DNAJC7: variants seen among roughly 807,000 people sequenced by gnomAD.
DNAJC7 encodes the protein dnaJ homolog subfamily C member 7.
DNAJC7 carries 18 observed loss-of-function variants against 67.4 expected under a neutral mutation model. The observed-to-expected ratio is 0.27, with a 90% CI of 0.18 to 0.40. DNAJC7 has a LOEUF of 0.40. DNAJC7 is among the 10% of genes least tolerant of loss of function. The pLI is 1.00. For missense variants in DNAJC7, 419 were observed against 613.8 expected, an observed-to-expected ratio of 0.68 and a Z score of 3.35; for synonymous variants, 220 against 207.8, an observed-to-expected ratio of 1.06 and a Z score of -0.50.
At chr17:42,008,025 A>G (rs1555650580) in intron 1 of DNAJC7, among the ~76,000 whole-genome samples, 1 of 151,622 alleles carries the variant, frequency 6.6e-6, no homozygotes, top group African/African-American at 2.4e-5. Flanking sequence ...TTTAAAAAAA[A>G]ATCTAGGCTG....
chr17:42,003,907 G>A (rs1555649785), intron 1 of DNAJC7, among the ~76,000 whole-genome samples: 1 of 144,578 alleles, frequency 6.9e-6, no homozygotes, highest in East Asian at 2.1e-4. Context: ...TATATTTCTA[G>A]TGTTATTTCA....
chr17:42,000,585 G>C lies in DNAJC7; in HGVS notation c.78-15C>G, dbSNP rs1013190493. On this transcript the variant is annotated splice_polypyrimidine_tract_variant and intron_variant, in intron 1 of 13. Coordinates refer to ENST00000457167, the MANE Select transcript of DNAJC7 (RefSeq NM_003315.4). ...TCTCTGCTTCCCTGAAAATGAAAGA[G>C]AAAGAGAATCATGTTACTTTACAAA... The C allele has an allele frequency of 6.3e-7, 1 of 1,584,776 alleles. No homozygotes were observed. Among genetic ancestry groups the C allele is most frequent in the East Asian group, 2.2e-5 (1 of 44,654 alleles).
At chr17:42,005,026 AAAAC>A (rs1276103261) in intron 1 of DNAJC7, among the ~76,000 whole-genome samples, 64 of 152,334 alleles carry the variant, frequency 4.2e-4, no homozygotes, top group African/African-American at 1.5e-3. Context: ...CTGTCTCAAA[AAAAC>A]AAAACCACCC....
chr17:41,988,050 A>C (rs1332538442), intron 8 of DNAJC7, 140 bp from the exon 9 acceptor site: 2 of 686,612 alleles, frequency 2.9e-6, no homozygotes, highest in Admixed American at 5.6e-5. Flanking sequence ...GTTCTTTGTC[A>C]CCAGGGCTAT....
chr17:42,013,652 C>T (rs550590416), intron 1 of DNAJC7: 1 of 152,272 alleles, frequency 6.6e-6, no homozygotes, highest in Non-Finnish European at 1.5e-5. Flanking sequence ...TATCACTGCC[C>T]TCTGCTATGG....
rs1055790281 is a variant in DNAJC7 at position 41,978,207 on chromosome 17, G to T, written c.1385-884C>A. The stretch of plus-strand genomic sequence containing the variant: ...TTGCAAGGCCACAGCATGTCTGGTG[G>T]CCCCATCCCTGACTGACTGCCCAAG... On this transcript the variant is annotated intron_variant, in intron 12 of 13. Transcript: ENST00000457167. 3.3e-5 allele frequency among the ~76,000 whole-genome samples: 5 copies of T among 152,158 alleles called. 1 individual carries two copies. The South Asian group carries it at 1.0e-3, about 32-fold the overall frequency.
chr17:41,993,983 C>T (rs149971186), intron 5 of DNAJC7, among the ~76,000 whole-genome samples: 3,175 of 150,818 alleles, frequency 0.021, 105 homozygotes, highest in African/African-American at 0.074. Context: ...GCGGAGGTTG[C>T]AGTGAGCCGA....
chr17:42,017,343 T>G lies in DNAJC7; in HGVS notation c.74A>C (p.Lys25Thr). The change falls in exon 1 of 14, where the codon AAG (lysine) becomes ACG (threonine). Residue 25 changes from lysine (K) to threonine (T), a missense_variant. Physicochemically the swap from Lys to Thr is moderately conservative, Grantham distance 78 (BLOSUM62 -1). Coordinates refer to ENST00000457167, the MANE Select transcript of DNAJC7 (RefSeq NM_003315.4). ...TACTACCCTGCTACCCGGTTACCTC[T>G]TCGCCTCTTGGTCGTCGAGCAGCTC... Reference protein sequence around the residue: ...EPELLDDQEAKREAETFKEQG... With the variant: ...EPELLDDQEATREAETFKEQG... The G allele has an allele frequency of 6.2e-7, 1 of 1,611,886 alleles. No individual in the cohort carries two copies. Among genetic ancestry groups the G allele is most frequent in the Non-Finnish European group, 8.5e-7 (1 of 1,179,886 alleles).
At chr17:42,001,679 G>A (rs1407145019) in intron 1 of DNAJC7, among the ~76,000 whole-genome samples, 2 of 152,160 alleles carry the variant, frequency 1.3e-5, no homozygotes, top group African/African-American at 4.8e-5. Context: ...TGAAGTTGAG[G>A]CAAAAGTCCT....
At chr17:42,005,188 C>A (rs2051914526) in intron 1 of DNAJC7, among the ~76,000 whole-genome samples, 1 of 152,180 alleles carries the variant, frequency 6.6e-6, no homozygotes, top group Admixed American at 6.6e-5. Context: ...ACAAACACTG[C>A]TAAGGGAATC....
chr17:41,995,576 A>G (rs537713087), intron 4 of DNAJC7, among the ~76,000 whole-genome samples: 1 of 152,350 alleles, frequency 6.6e-6, no homozygotes, highest in South Asian at 2.1e-4. Context: ...TACAATATTC[A>G]GGACAGTAAC....
intron 1 of DNAJC7, chr17:42,015,422 A>G (rs1016194236): frequency 6.6e-6 from 1 of 152,134 alleles, no homozygotes; most frequent in African/African-American, 2.4e-5. Flanking sequence ...CTCCAATTTT[A>G]TGATAGACTA....
intron 1 of DNAJC7, chr17:42,013,929 G>A (rs1463664795): frequency 1.3e-5 from 2 of 152,108 alleles, no homozygotes; most frequent in Non-Finnish European, 1.5e-5. Context: ...AAGTCGGTGG[G>A]GCTACAGGCA....
At chr17:41,979,221 C>T (rs1328620037) in intron 12 of DNAJC7, among the ~76,000 whole-genome samples, 1 of 151,288 alleles carries the variant, frequency 6.6e-6, no homozygotes, top group Non-Finnish European at 1.5e-5. Context: ...TGCCTGTAAT[C>T]CCAGCTACTC....
chr17:42,008,716 A>G (rs2052039923), intron 1 of DNAJC7, among the ~76,000 whole-genome samples: 1 of 150,370 alleles, frequency 6.7e-6, no homozygotes. Context: ...GGTCAGACAT[A>G]TATTTTTTGA....
chr17:41,978,466 T>G (rs2051150268), intron 12 of DNAJC7, among the ~76,000 whole-genome samples: 1 of 152,176 alleles, frequency 6.6e-6, no homozygotes, highest in Non-Finnish European at 1.5e-5. Flanking sequence ...TTTTGTGTCT[T>G]CCTTCCATCT....
intron 12 of DNAJC7, among the ~76,000 whole-genome samples, chr17:41,980,125 T>C (rs1376818225): frequency 2.7e-5 from 4 of 147,596 alleles, no homozygotes; most frequent in Non-Finnish European, 6.0e-5. Flanking sequence ...TCTCAGCTCA[T>C]TGCAACCTCC....
At position 42,011,338 on chromosome 17, in the gene DNAJC7, TTC is replaced by T. The variant is rs569375076; in HGVS notation, c.77+6000_77+6001del. 2.6e-5 allele frequency: 4 copies of T among 152,120 alleles called. No homozygotes were observed. In the East Asian group the frequency reaches 7.7e-4, roughly 29 times the overall value. The allele number at this position is 152,120 out of a possible 1,614,324, so 9.4% of individuals were successfully genotyped here. ...AGGCTGGGCTTTCGGCCAATCAGAG[TTC>T]TGTTTGTTGGGAGTGGACTGGACTC... On this transcript the variant is annotated intron_variant, in intron 1 of 13. Transcript: ENST00000457167.
In DNAJC7 at chr17:41,976,986, T is replaced by TAC. The variant is rs2051100696; in HGVS notation, c.1448-218_1448-217dup. The TAC allele has an allele frequency of 7.8e-6, 5 of 644,094 alleles. No individual in the cohort carries two copies. The South Asian group carries it at 1.0e-4, about 13-fold the overall frequency. 39.9% of individuals were successfully genotyped at this position (644,094 alleles called of 1,614,324 possible). ...TCTGACCTCAGCATTATCTATATAG[T>TAC]ACCTTTGCTCTTGCAGAGAAGCCTT... On this transcript the variant is annotated intron_variant, in intron 13 of 13. Transcript: ENST00000457167.
Sources: allele counts gnomAD v4.1 joint callset (sites outside exome capture counted in the v4.1 genomes callset), GRCh38; gene constraint gnomAD v4.1.1; transcripts MANE v1.5; gene names NCBI Gene and HGNC (gene_info 2026-07-23, HGNC 2026-07-21).